Variants in VWA8 observed in about 807,000 individuals in gnomAD.
The protein encoded by VWA8 is von Willebrand factor A domain-containing protein 8.
VWA8 carries 221 observed loss-of-function variants against 241.5 expected under a neutral mutation model. The ratio of observed to expected loss-of-function variants is 0.91; its 90% CI spans 0.82 to 1.02. The LOEUF (loss-of-function observed/expected upper bound fraction) is 1.02. VWA8 is among the 50% of genes least tolerant of loss of function. The pLI, the probability that VWA8 is intolerant of heterozygous loss-of-function variation, is 0.00. For missense variants in VWA8, 2,322 were observed against 2,328.7 expected (o/e 1.00, Z 0.06); for synonymous variants, 852 against 827.1 (o/e 1.03, Z -0.52).
chr13:41,604,478 G>C (rs1437930020), intron 40 of VWA8, among the ~76,000 whole-genome samples: 1 of 151,934 alleles, frequency 6.6e-6, no homozygotes, highest in Non-Finnish European at 1.5e-5. Flanking sequence ...CCAGAGTTTT[G>C]GGTTAAAATG....
At chr13:41,842,959 T>C (rs17595133) in intron 12 of VWA8, among the ~76,000 whole-genome samples, 21,485 of 152,188 alleles carry the variant, frequency 0.14, 1,642 homozygotes, top group East Asian at 0.18. Flanking sequence ...CTCCTGGTAC[T>C]ACCATTCCTT....
Position 41,685,123 on chromosome 13 carries a change from C to G in VWA8, c.4251G>C (p.Val1417=). The G allele has an allele frequency of 6.2e-7, 1 of 1,613,598 alleles. No homozygotes were observed. Among genetic ancestry groups the G allele is most frequent in the Non-Finnish European group, 8.5e-7 (1 of 1,179,728 alleles). ...KRGTPKQSNC[V]TLLDTNQVVR... Reference sequence around the variant, plus strand: ...CTACCTGATTCGTATCTAAAAGAGTCACACAATTGCTTTGTTTTGGAGTCC... The same window carrying G: ...CTACCTGATTCGTATCTAAAAGAGTGACACAATTGCTTTGTTTTGGAGTCC... Residue 1417 remains valine (V), a synonymous_variant, in exon 35 of 45, where the codon GTG becomes GTC. Transcript: ENST00000379310.
At chr13:41,662,337 T>C (rs546182790) in intron 37 of VWA8, among the ~76,000 whole-genome samples, 6 of 152,290 alleles carry the variant, frequency 3.9e-5, no homozygotes, top group Admixed American at 3.3e-4. Context: ...GTATTCAGCA[T>C]ACACATCCTG....
intron 40 of VWA8, among the ~76,000 whole-genome samples, chr13:41,596,809 A>G (rs939690394): frequency 6.6e-6 from 1 of 151,498 alleles, no homozygotes; most frequent in African/African-American, 2.4e-5. Flanking sequence ...ACACACACAC[A>G]CACACACACA....
chr13:41,765,109 G>A (rs975322564), intron 20 of VWA8, among the ~76,000 whole-genome samples: 34 of 151,632 alleles, frequency 2.2e-4, no homozygotes, highest in African/African-American at 7.8e-4. Context: ...AGAAGTCAAA[G>A]TTTCTGTCTT....
intron 21 of VWA8, among the ~76,000 whole-genome samples, chr13:41,760,411 A>T (rs1215364488): frequency 6.6e-6 from 1 of 151,684 alleles, no homozygotes; most frequent in Non-Finnish European, 1.5e-5. Flanking sequence ...CCAGAAACTA[A>T]CTCTTATAAC....
intron 12 of VWA8, among the ~76,000 whole-genome samples, chr13:41,859,392 A>G (rs554339320): frequency 6.6e-6 from 1 of 152,336 alleles, no homozygotes; most frequent in African/African-American, 2.4e-5. Flanking sequence ...CTTAGCTAAG[A>G]GGTCAGTGAT....
chr13:41,703,928 G>A (rs1165654904), intron 26 of VWA8, among the ~76,000 whole-genome samples: 4 of 151,904 alleles, frequency 2.6e-5, no homozygotes, highest in Admixed American at 6.6e-5. Flanking sequence ...ACAGGCATGC[G>A]CCACCACACC....
At chr13:41,798,519 C>T (rs1398278276) in intron 17 of VWA8, among the ~76,000 whole-genome samples, 1 of 152,288 alleles carries the variant, frequency 6.6e-6, no homozygotes, top group East Asian at 1.9e-4. Flanking sequence ...AAGTTGTCGG[C>T]TTGATATTTT....
chr13:41,797,828 A>G (rs1869773444), intron 17 of VWA8, among the ~76,000 whole-genome samples: 1 of 152,120 alleles, frequency 6.6e-6, no homozygotes, highest in Non-Finnish European at 1.5e-5. Flanking sequence ...GCAACATATA[A>G]TTGGTTTTTG....
At chr13:41,635,877 G>T (rs1053801719) in intron 37 of VWA8, among the ~76,000 whole-genome samples, 1 of 152,092 alleles carries the variant, frequency 6.6e-6, no homozygotes, top group African/African-American at 2.4e-5. Context: ...CAGCAGGGGG[G>T]TGCTGAGTTA....
chr13:41,888,597 A>C (rs747593894), intron 5 of VWA8, among the ~76,000 whole-genome samples: 2 of 152,154 alleles, frequency 1.3e-5, no homozygotes, highest in African/African-American at 2.4e-5. Flanking sequence ...CTCAGCACAA[A>C]AAACATCTTC....
chr13:41,765,558 A>C (rs1357979816), intron 20 of VWA8, among the ~76,000 whole-genome samples: 1 of 152,200 alleles, frequency 6.6e-6, no homozygotes, highest in African/African-American at 2.4e-5. Context: ...TTTTGCCTAG[A>C]ATAGAGAATC....
chr13:41,937,258 AC>A (rs1185185000), intron 2 of VWA8, among the ~76,000 whole-genome samples: 1 of 152,196 alleles, frequency 6.6e-6, no homozygotes, highest in Non-Finnish European at 1.5e-5. Context: ...TTTATTGTGC[AC>A]TTTATTTCTC....
At chr13:41,699,512 G>A (rs1213654166) in intron 28 of VWA8, among the ~76,000 whole-genome samples, 2 of 152,160 alleles carry the variant, frequency 1.3e-5, no homozygotes, top group African/African-American at 4.8e-5. Flanking sequence ...GTTCCCCAAA[G>A]AATGTCATAA....
chr13:41,859,073 T>A (rs1872888267), intron 12 of VWA8, among the ~76,000 whole-genome samples: 1 of 147,268 alleles, frequency 6.8e-6, no homozygotes. Flanking sequence ...CAAAAACCTG[T>A]CTCTTAAAAA....
At chr13:41,703,250 C>G (rs555264832) in intron 27 of VWA8, 53 bp downstream of exon 27, 9 of 1,447,250 alleles carry the variant, frequency 6.2e-6, no homozygotes, top group Non-Finnish European at 7.7e-6. Context: ...AGGGAAGATA[C>G]AGCAAAATTT....
intron 12 of VWA8, among the ~76,000 whole-genome samples, chr13:41,844,935 G>T (rs1227546984): frequency 3.3e-5 from 5 of 152,110 alleles, no homozygotes; most frequent in Non-Finnish European, 5.9e-5. Context: ...CATGCTCATG[G>T]ATTAGAAGAA....
chr13:41,757,147 A>T (rs2045700035), intron 21 of VWA8, among the ~76,000 whole-genome samples: 1 of 151,752 alleles, frequency 6.6e-6, no homozygotes, highest in South Asian at 2.1e-4. Flanking sequence ...GGAGAGGAAA[A>T]AAAAAGAGAG....
Sources: allele counts gnomAD v4.1 joint callset (sites outside exome capture counted in the v4.1 genomes callset), GRCh38; gene constraint gnomAD v4.1.1; transcripts MANE v1.5; gene names NCBI Gene and HGNC (gene_info 2026-07-23, HGNC 2026-07-21).